CALCR: variants seen among roughly 807,000 people sequenced by gnomAD.
The protein encoded by CALCR is calcitonin receptor.
A neutral mutation model predicts 59.5 loss-of-function variants in CALCR; 47 were observed. The ratio of observed to expected loss-of-function variants is 0.79; its 90% CI spans 0.63 to 1.01. The LOEUF (loss-of-function observed/expected upper bound fraction) is 1.01, where lower values mean the gene tolerates loss of function less well. Ranked by LOEUF, CALCR falls within the 50% of genes least tolerant of loss-of-function variation. CALCR has a pLI of 0.00. For missense variants in CALCR, 566 were observed against 597.1 expected (o/e 0.95, Z 0.54); for synonymous variants, 213 against 211.3 (o/e 1.01, Z -0.07).
In CALCR at chr7:93,425,191, G is replaced by A. The variant is rs1017778829; in HGVS notation, c.*1165C>T. Reference sequence around the variant, plus strand: ...ATAATACTGGATTTTAATGAGAAACGTTAAACATGAATTGATTTATGGTTA... The same window carrying A: ...ATAATACTGGATTTTAATGAGAAACATTAAACATGAATTGATTTATGGTTA... On this transcript the variant is annotated 3_prime_UTR_variant, in exon 14 of 14. Coordinates refer to ENST00000426151, the MANE Select transcript of CALCR (RefSeq NM_001742.4). 5 of 152,552 alleles carry A rather than the reference G, an allele frequency of 3.3e-5. No homozygotes were observed. The highest frequency in any genetic ancestry group is 7.2e-5 in the African/African-American group (3 of 41,434). The allele number at this position is 152,552 out of a possible 1,614,324, so 9.4% of individuals were successfully genotyped here. A position where few individuals can be genotyped will look rare whatever the true frequency, so the allele number is the denominator to read the frequency against.
intron 2 of CALCR, among the ~76,000 whole-genome samples, chr7:93,534,594 G>A (rs1032849021): frequency 6.6e-6 from 1 of 151,698 alleles, no homozygotes; most frequent in Non-Finnish European, 1.5e-5. Context: ...ATCAAAAGAG[G>A]CCATTCTTAG....
chr7:93,468,751 G>C lies in CALCR; in HGVS notation c.485C>G (p.Thr162Ser). 1 of 1,610,784 alleles carries C rather than the reference G, an allele frequency of 6.2e-7. No homozygotes were observed. Among genetic ancestry groups the C allele is most frequent in the African/African-American group, 1.3e-5 (1 of 74,788 alleles). ...AIVGHSLSIF[T>S]LVISLGIFVF... ...GAAAATCCCCAGGGAAATCACTAGG[G>C]TGAAAATTGACAAAGAATGACCCAC... is the stretch of plus-strand genomic sequence containing the variant. Residue 162 changes from threonine to serine, a missense_variant, in exon 7 of 14, where the codon ACC (threonine) becomes AGC (serine). Coordinates refer to ENST00000426151, the MANE Select transcript of CALCR (RefSeq NM_001742.4).
intron 2 of CALCR, among the ~76,000 whole-genome samples, chr7:93,512,102 C>T (rs891066301): frequency 6.6e-6 from 1 of 152,128 alleles, no homozygotes; most frequent in African/African-American, 2.4e-5. Context: ...AATGCAGTTC[C>T]CATTAACTAT....
intron 3 of CALCR, among the ~76,000 whole-genome samples, chr7:93,485,156 A>G (rs1175906852): frequency 6.6e-6 from 1 of 151,674 alleles, no homozygotes; most frequent in African/African-American, 2.4e-5. Flanking sequence ...TTATGGACAA[A>G]TCCTCCAAAT....
chr7:93,433,084 T>C (rs1799692442), intron 13 of CALCR, among the ~76,000 whole-genome samples: 1 of 152,124 alleles, frequency 6.6e-6, no homozygotes, highest in Non-Finnish European at 1.5e-5. Flanking sequence ...TAAAATGTAA[T>C]AACTAAAATG....
intron 12 of CALCR, among the ~76,000 whole-genome samples, chr7:93,434,687 G>T (rs1305434110): frequency 6.6e-6 from 1 of 152,102 alleles, no homozygotes; most frequent in Non-Finnish European, 1.5e-5. Context: ...ATAGTGGGAG[G>T]CTGTGGGTCT....
At chr7:93,463,493 T>A (rs1156567785) in intron 7 of CALCR, among the ~76,000 whole-genome samples, 1 of 151,962 alleles carries the variant, frequency 6.6e-6, no homozygotes. Context: ...CAGTCATCTT[T>A]TTGAAGTGAG....
intron 2 of CALCR, among the ~76,000 whole-genome samples, chr7:93,516,279 G>A (rs921278190): frequency 2.6e-5 from 4 of 151,902 alleles, no homozygotes; most frequent in African/African-American, 9.7e-5. Context: ...GAACCAGAAT[G>A]CCCCACTAGG....
At chr7:93,566,104 T>C (rs980745251) in intron 2 of CALCR, among the ~76,000 whole-genome samples, 11 of 152,084 alleles carry the variant, frequency 7.2e-5, no homozygotes, top group African/African-American at 2.2e-4. Flanking sequence ...ACAATAAATA[T>C]AATTTTCATA....
chr7:93,466,190 G>A (rs1800437598), intron 7 of CALCR, among the ~76,000 whole-genome samples: 1 of 151,748 alleles, frequency 6.6e-6, no homozygotes, highest in Admixed American at 6.6e-5. Flanking sequence ...TTTTGCTCAG[G>A]TTGCACACAG....
At chr7:93,496,907 T>C (rs1351120980) in intron 2 of CALCR, among the ~76,000 whole-genome samples, 2 of 151,660 alleles carry the variant, frequency 1.3e-5, no homozygotes, top group Non-Finnish European at 3.0e-5. Flanking sequence ...AAGCCTTCTG[T>C]TTGGATAACT....
intron 2 of CALCR, among the ~76,000 whole-genome samples, chr7:93,549,273 A>C (rs1789385740): frequency 6.6e-6 from 1 of 150,506 alleles, no homozygotes. Context: ...AAGTATTCTT[A>C]GACCAATTTT....
At chr7:93,525,918 C>T (rs905905136) in intron 2 of CALCR, among the ~76,000 whole-genome samples, 1 of 152,166 alleles carries the variant, frequency 6.6e-6, no homozygotes, top group African/African-American at 2.4e-5. Flanking sequence ...TAGTGGAACA[C>T]GTGAGCACTA....
At chr7:93,428,889 G>A (rs1262248489) in intron 13 of CALCR, among the ~76,000 whole-genome samples, 1 of 151,542 alleles carries the variant, frequency 6.6e-6, no homozygotes, top group African/African-American at 2.4e-5. Context: ...ATATTTACAA[G>A]TATCCAAGCA....
chr7:93,545,301 T>G (rs1351668895), intron 2 of CALCR, among the ~76,000 whole-genome samples: 1 of 151,962 alleles, frequency 6.6e-6, no homozygotes, highest in Non-Finnish European at 1.5e-5. Context: ...GGCTGTAGAG[T>G]GCTGGTTTTG....
intron 2 of CALCR, among the ~76,000 whole-genome samples, chr7:93,539,048 T>A (rs749967659): frequency 6.6e-6 from 1 of 152,178 alleles, no homozygotes; most frequent in Non-Finnish European, 1.5e-5. Flanking sequence ...TCTAAACTCA[T>A]AGATCTTATA....
intron 2 of CALCR, among the ~76,000 whole-genome samples, chr7:93,552,201 A>G (rs1243195550): frequency 6.6e-6 from 1 of 152,176 alleles, no homozygotes; most frequent in Non-Finnish European, 1.5e-5. Flanking sequence ...TCTCATCTGT[A>G]CAAGGTAAAT....
In CALCR at chr7:93,434,123, G is replaced by A; in HGVS notation, c.1191+130C>T. ...CTTGGAGTAGTGGAAAAAACATCATGTTGCTAATCACAAAACCCTATGAGG... is the reference window on the plus strand; with the variant it reads ...CTTGGAGTAGTGGAAAAAACATCATATTGCTAATCACAAAACCCTATGAGG... On this transcript the variant is annotated intron_variant, in intron 13 of 13. Coordinates refer to ENST00000426151, the MANE Select transcript of CALCR (RefSeq NM_001742.4). 4.2e-6 allele frequency: 3 copies of A among 712,382 alleles called. No individual in the cohort carries two copies. The South Asian group carries it at 4.7e-5, about 11-fold the overall frequency. 44.1% of individuals were successfully genotyped at this position (712,382 alleles called of 1,614,324 possible).
chr7:93,478,074 C>T (rs1800708577), intron 4 of CALCR, among the ~76,000 whole-genome samples: 1 of 148,362 alleles, frequency 6.7e-6, no homozygotes, highest in African/African-American at 2.5e-5. Flanking sequence ...CAAGAAAGCT[C>T]TCAAAAATTA....
Sources: gnomAD v4.1 joint callset for allele counts (sites outside exome capture counted in the v4.1 genomes callset) on GRCh38, gnomAD v4.1.1 for gene constraint, MANE v1.5 for transcripts, NCBI Gene and HGNC (gene_info 2026-07-23, HGNC 2026-07-21) for gene names.